TDRD12: variants seen among roughly 807,000 people sequenced by gnomAD.
TDRD12 encodes putative ATP-dependent RNA helicase TDRD12.
Under a neutral mutation model 133.5 loss-of-function variants are expected in TDRD12, and 158 were observed. That is an observed-to-expected ratio of 1.18 (90% CI 1.04 to 1.35). The LOEUF (loss-of-function observed/expected upper bound fraction) is 1.35. TDRD12 is among the 40% of genes most tolerant of loss of function. The probability of loss-of-function intolerance (pLI) is 0.00; values close to 1 mark genes in which losing one functional copy is unlikely to be tolerated. For missense variants in TDRD12, 1,443 were observed against 1,321.3 expected, an observed-to-expected ratio of 1.09 and a Z score of -1.43; for synonymous variants, 460 against 477.9, an observed-to-expected ratio of 0.96 and a Z score of 0.49.
chr19:32,773,935 G>C (rs1291375113), intron 10 of TDRD12, among the ~76,000 whole-genome samples: 1 of 152,222 alleles, frequency 6.6e-6, no homozygotes, highest in African/African-American at 2.4e-5. Context: ...TTTTTGGACA[G>C]AGTTGTCCCT....
intron 25 of TDRD12, among the ~76,000 whole-genome samples, chr19:32,814,170 T>A (rs966240923): frequency 6.6e-6 from 1 of 152,116 alleles, no homozygotes; most frequent in Admixed American, 6.5e-5. Flanking sequence ...GGGTTCCTTC[T>A]GTGAGCAAAG....
At chr19:32,826,806 A>T in intron 9 of TDRD12, 57 bp downstream of exon 32, 3 of 1,073,052 alleles carry the variant, frequency 2.8e-6, no homozygotes, top group Non-Finnish European at 3.6e-6. Context: ...GCAGTGAGGG[A>T]CACCATCACC....
At chr19:32,783,240 T>G (rs906030433) in intron 11 of TDRD12, among the ~76,000 whole-genome samples, 2 of 152,168 alleles carry the variant, frequency 1.3e-5, no homozygotes, top group African/African-American at 4.8e-5. Context: ...CCATTGCTTG[T>G]GTGTGTCAGG....
intron 26 of TDRD12, among the ~76,000 whole-genome samples, 160 bp downstream of exon 26, chr19:32,815,780 G>C (rs1043042521): frequency 6.6e-6 from 1 of 152,172 alleles, no homozygotes; most frequent in Non-Finnish European, 1.5e-5. Flanking sequence ...CGGCTCACGA[G>C]GTCAGGAGAT....
chr19:32,789,497 A>G (rs1249946176), intron 11 of TDRD12, among the ~76,000 whole-genome samples: 1 of 152,024 alleles, frequency 6.6e-6, no homozygotes, highest in Non-Finnish European at 1.5e-5. Context: ...TGTTCAGGAC[A>G]TTTCATATCG....
intron 11 of TDRD12, among the ~76,000 whole-genome samples, chr19:32,782,391 A>C (rs940993737): frequency 6.6e-6 from 1 of 152,134 alleles, no homozygotes; most frequent in Non-Finnish European, 1.5e-5. Flanking sequence ...GTTGGTTCCA[A>C]GTCTTTACTA....
At chr19:32,765,629 A>G (rs2145577714) in intron 8 of TDRD12, among the ~76,000 whole-genome samples, 1 of 152,002 alleles carries the variant, frequency 6.6e-6, no homozygotes, top group African/African-American at 2.4e-5. Flanking sequence ...TCAGCAAACT[A>G]TCGCAAGGAC....
chr19:32,742,705 A>C, intron 3 of TDRD12, 76 bp from the exon 4 acceptor site: 1 of 1,390,402 alleles, frequency 7.2e-7, no homozygotes, highest in Non-Finnish European at 9.7e-7. Flanking sequence ...GTGTATTAAT[A>C]AAATAGGTAT....
chr19:32,794,530 C>T, intron 13 of TDRD12, 98 bp from the exon 14 acceptor site: 1 of 623,098 alleles, frequency 1.6e-6, no homozygotes, highest in Non-Finnish European at 2.9e-6. Context: ...CTGGGTTTGG[C>T]AATGTGTAGT....
At chr19:32,721,845 C>T (rs928054269) in intron 1 of TDRD12, among the ~76,000 whole-genome samples, 22 of 150,176 alleles carry the variant, frequency 1.5e-4, no homozygotes, top group Admixed American at 3.3e-4. Context: ...GTAGCTGGGA[C>T]TACAGGCGGC....
rs200960504 is a variant in TDRD12 at position 32,800,769 on chromosome 19, T to G, written c.2076T>G (p.Cys692Trp). 1,448 of 1,530,304 alleles carry G rather than the reference T, an allele frequency of 9.5e-4. 2 individuals carry two copies. The highest frequency in any genetic ancestry group is 1.1e-3 in the Non-Finnish European group (1,287 of 1,145,190). 94.8% of individuals were successfully genotyped at this position (1,530,304 alleles called of 1,614,324 possible). ...CTGTAGCTGAAACAGAAATAGTGTGTAAGGTGAGTCCATCTCCATATAAAA... is the reference window on the plus strand; with the variant it reads ...CTGTAGCTGAAACAGAAATAGTGTGGAAGGTGAGTCCATCTCCATATAAAA... Residue 692 changes from cysteine to tryptophan, a missense_variant, in exon 18 of 28, where the codon TGT (cysteine) becomes TGG (tryptophan). Cys to Trp is a radical substitution (Grantham distance 215). Coordinates refer to ENST00000444215, the Ensembl canonical transcript of TDRD12.
chr19:32,731,198 T>TC (rs1232626790), intron 1 of TDRD12, among the ~76,000 whole-genome samples: 1 of 152,110 alleles, frequency 6.6e-6, no homozygotes, highest in Admixed American at 6.6e-5. Flanking sequence ...TTATCTGCCA[T>TC]TATTATTTTT....
At chr19:32,780,079 C>CTTTTTTTT (rs1205171086) in intron 11 of TDRD12, among the ~76,000 whole-genome samples, 2 of 119,124 alleles carry the variant, frequency 1.7e-5, no homozygotes. Flanking sequence ...TTCTTTTTTT[C>CTTTTTTTT]TTTTCTTTTT....
At chr19:32,727,680 T>C (rs1483362590) in intron 1 of TDRD12, among the ~76,000 whole-genome samples, 1 of 152,158 alleles carries the variant, frequency 6.6e-6, no homozygotes, top group Non-Finnish European at 1.5e-5. Context: ...ATTTTTATTT[T>C]CTTTTTGAGA....
chr19:32,826,094 G>GC (rs763585618), downstream of TDRD12: 130 of 1,535,488 alleles, frequency 8.5e-5, no homozygotes, highest in Non-Finnish European at 1.1e-4. Context: ...TTGATTTTGT[G>GC]CAGAAACTTT....
In TDRD12 at chr19:32,742,864, T is replaced by G; in HGVS notation, c.404T>G (p.Leu135Ter). Residue 135 changes from leucine to a stop codon, truncating the protein, a stop_gained, in exon 4 of 28, where the codon TTA (leucine) becomes TGA (stop). Transcript: ENST00000444215. LOFTEE classifies it high-confidence loss of function. Reference sequence around the variant, plus strand: ...CTGTACTGCACAAAGCCTGTCACATTACACATTGACTTCTGCCGAGACAGT... The same window carrying G: ...CTGTACTGCACAAAGCCTGTCACATGACACATTGACTTCTGCCGAGACAGT... The G allele has an allele frequency of 1.3e-6, 2 of 1,551,810 alleles. No homozygotes were observed. The highest frequency in any genetic ancestry group is 1.7e-6 in the Non-Finnish European group (2 of 1,147,006).
At chr19:32,763,066 T>C (rs966154343) in intron 8 of TDRD12, among the ~76,000 whole-genome samples, 4 of 152,238 alleles carry the variant, frequency 2.6e-5, no homozygotes, top group Admixed American at 2.0e-4. Context: ...TAGGAATTTT[T>C]CATCTTCATT....
intron 3 of TDRD12, among the ~76,000 whole-genome samples, chr19:32,739,308 T>C (rs915978771): frequency 1.4e-5 from 2 of 146,604 alleles, no homozygotes; most frequent in Non-Finnish European, 3.0e-5. Context: ...TCTCTGCATC[T>C]CATGGCTACT....
chr19:32,774,443 TTGA>T (rs1335218104), intron 10 of TDRD12, among the ~76,000 whole-genome samples: 5 of 152,280 alleles, frequency 3.3e-5, no homozygotes, highest in Middle Eastern at 3.4e-3. Flanking sequence ...AGGTCTGCTG[TTGA>T]TGAACTCTTT....
Sources: gnomAD v4.1 joint callset for allele counts (sites outside exome capture counted in the v4.1 genomes callset) on GRCh38, gnomAD v4.1.1 for gene constraint, MANE v1.5 for transcripts, NCBI Gene and HGNC (gene_info 2026-07-23, HGNC 2026-07-21) for gene names.